The following MTMR9 variants were observed in gnomAD, a reference collection of about 807,000 sequenced individuals.
MTMR9 encodes myotubularin-related protein 9.
In MTMR9, 39 loss-of-function variants were observed where a neutral mutation model predicts 69.5. The observed-to-expected ratio is 0.56, with a 90% CI of 0.43 to 0.73. The LOEUF (loss-of-function observed/expected upper bound fraction) is 0.73, where lower values mean the gene tolerates loss of function less well. Ranked by LOEUF, MTMR9 falls within the 30% of genes least tolerant of loss-of-function variation. The probability of loss-of-function intolerance (pLI) is 0.00; values close to 1 mark genes in which losing one functional copy is unlikely to be tolerated. For synonymous variants in MTMR9, 354 were observed against 240.8 expected (o/e 1.47, Z -4.35); for missense variants, 900 against 671.2 (o/e 1.34, Z -3.77).
At chr8:11,302,094 A>G (rs949886193) in intron 3 of MTMR9, among the ~76,000 whole-genome samples, 8 of 151,918 alleles carry the variant, frequency 5.3e-5, no homozygotes, top group African/African-American at 1.7e-4. Context: ...CCCCATCTCT[A>G]TGAAAAAATT....
chr8:11,320,978 G>A (rs574186596), intron 9 of MTMR9: 1 of 158,918 alleles, frequency 6.3e-6, no homozygotes, highest in East Asian at 1.8e-4. Flanking sequence ...TACTCTCAAA[G>A]GCAGTTCACG....
intron 3 of MTMR9, among the ~76,000 whole-genome samples, chr8:11,302,881 T>C (rs930425989): frequency 9.9e-5 from 15 of 152,028 alleles, no homozygotes; most frequent in African/African-American, 3.6e-4. Context: ...CAACAAAGAT[T>C]ATTGGGTTTC....
chr8:11,296,419 A>G (rs190827250), intron 2 of MTMR9, among the ~76,000 whole-genome samples: 1 of 152,178 alleles, frequency 6.6e-6, no homozygotes, highest in African/African-American at 2.4e-5. Context: ...GAAAACACTT[A>G]ACCGTTTTTA....
At position 11,289,185 on chromosome 8, in the gene MTMR9, C is replaced by G. The variant is rs188408673; in HGVS notation, c.182+4115C>G. Among the ~76,000 whole-genome samples, 454 of 152,158 alleles carry G rather than the reference C, an allele frequency of 3.0e-3. 1 individual carries two copies. Among genetic ancestry groups the G allele is most frequent in the African/African-American group, 0.011 (447 of 41,520 alleles). On this transcript the variant is annotated intron_variant, in intron 1 of 9. Coordinates refer to ENST00000221086, the MANE Select transcript of MTMR9 (RefSeq NM_015458.4). ...GAGTCTCTGTCTCAAAACAAACAAA[C>G]AAACAAACAAAAAACAGTAGTGTAG...
intron 6 of MTMR9, among the ~76,000 whole-genome samples, chr8:11,314,619 G>T (rs1800336728): frequency 6.6e-6 from 1 of 152,094 alleles, no homozygotes; most frequent in African/African-American, 2.4e-5. Context: ...TTTTGAAAAG[G>T]GAAAGAAAAA....
chr8:11,327,461 G>C lies in MTMR9; in HGVS notation c.*4673G>C, dbSNP rs1800987593. ...ACACTGCCTGTGTTTGTCTGGCCAA[G>C]ACATTTGCTTCACTTTTAAAATGCA... On this transcript the variant is annotated 3_prime_UTR_variant, in exon 10 of 10. Transcript: ENST00000221086. The C allele has an allele frequency of 6.6e-6, 1 of 152,278 alleles. No individual in the cohort carries two copies. The highest frequency in any genetic ancestry group is 1.5e-5 in the Non-Finnish European group (1 of 68,038). The allele number at this position is 152,278 out of a possible 1,614,324, so 9.4% of individuals were successfully genotyped here. A position where few individuals can be genotyped will look rare whatever the true frequency, so the allele number is the denominator to read the frequency against.
chr8:11,338,302 G>T, the MTMR9 span, among the ~76,000 whole-genome samples: 1 of 152,210 alleles, frequency 6.6e-6, no homozygotes, highest in African/African-American at 2.4e-5. Context: ...GTTGTTCTCC[G>T]GAGTGTCCAG....
chr8:11,322,625 G>T lies in MTMR9; in HGVS notation c.1487G>T (p.Gly496Val). ...VAPQSLPLWE[G>V]IFLRWNRSSK... ...TGTTTTCCATTCCTGGATTCAATAG[G>T]TATTTTCCTACGTTGGAATAGATCC... The change falls in exon 10 of 10, where the codon GGT (glycine) becomes GTT (valine). Residue 496 changes from glycine (G) to valine (V), a missense_variant and splice_region_variant. Coordinates refer to ENST00000221086, the MANE Select transcript of MTMR9 (RefSeq NM_015458.4). The T allele has an allele frequency of 6.2e-7, 1 of 1,612,414 alleles. No individual in the cohort carries two copies. The highest frequency in any genetic ancestry group is 8.5e-7 in the Non-Finnish European group (1 of 1,179,214).
the MTMR9 span, among the ~76,000 whole-genome samples, chr8:11,335,586 A>C: frequency 6.6e-6 from 1 of 152,226 alleles, no homozygotes; most frequent in African/African-American, 2.4e-5. Context: ...CAAAACCCAT[A>C]ATAGCCAACA....
chr8:11,286,417 C>T (rs1157847890), intron 1 of MTMR9, among the ~76,000 whole-genome samples: 1 of 151,678 alleles, frequency 6.6e-6, no homozygotes, highest in Non-Finnish European at 1.5e-5. Flanking sequence ...GTAATCCCAG[C>T]ACTTTGGGAG....
At position 11,322,936 on chromosome 8, in the gene MTMR9, G is replaced by A; in HGVS notation, c.*148G>A. The A allele has an allele frequency of 3.6e-6, 2 of 552,178 alleles. No homozygotes were observed. Among genetic ancestry groups the A allele is most frequent in the East Asian group, 3.3e-5 (1 of 30,590 alleles). 34.2% of individuals were successfully genotyped at this position (552,178 alleles called of 1,614,324 possible). On this transcript the variant is annotated 3_prime_UTR_variant, in exon 10 of 10. Transcript: ENST00000221086. ...CTAATGTAATGGATTTCTCAATACT[G>A]TATGAATAATGAAACTTACTATCAT... is the stretch of plus-strand genomic sequence containing the variant.
rs58549989 is a variant in MTMR9, at chr8:11,295,449, G to T, written c.291+147G>T. 279 of 588,992 alleles carry T rather than the reference G, an allele frequency of 4.7e-4. 2 individuals are homozygous for T. In the African/African-American group the frequency reaches 4.9e-3, roughly 10 times the overall value. 36.5% of individuals were successfully genotyped at this position (588,992 alleles called of 1,614,324 possible). ...AGGAAAAGCCTCACCCTGGTTCATC[G>T]TCATATGAGTGTAATGGAACTTTCT... On this transcript the variant is annotated intron_variant, in intron 2 of 9. Transcript: ENST00000221086.
At chr8:11,322,492 A>AG (rs1270190995) in intron 9 of MTMR9, 133 bp from the exon 10 acceptor site, 4 of 671,134 alleles carry the variant, frequency 6.0e-6, no homozygotes, top group African/African-American at 3.7e-5. Flanking sequence ...AGTATAATAA[A>AG]ATACAGATGT....
intron 7 of MTMR9, 90 bp downstream of exon 7, chr8:11,315,154 G>C: frequency 6.8e-7 from 1 of 1,480,628 alleles, no homozygotes; most frequent in South Asian, 1.2e-5. Context: ...GTGAAATTTC[G>C]ATTGATTAAA....
At chr8:11,296,378 T>C (rs1799564226) in intron 2 of MTMR9, among the ~76,000 whole-genome samples, 1 of 152,216 alleles carries the variant, frequency 6.6e-6, no homozygotes, top group South Asian at 2.1e-4. Context: ...TATAATTTTA[T>C]GGTGATGCTT....
chr8:11,306,225 A>C lies in MTMR9; in HGVS notation c.627A>C (p.Thr209=), dbSNP rs140301633. The stretch of plus-strand genomic sequence containing the variant: ...GAAGTGGTCAGCCACTCACTGGTAC[A>C]AACGGGAGGAGGTGCAAGGAGGACG... ...IMRSGQPLTG[T]NGRRCKEDEK... Residue 209 remains threonine, a synonymous_variant, in exon 5 of 10, where the codon ACA becomes ACC. Coordinates refer to ENST00000221086, the MANE Select transcript of MTMR9 (RefSeq NM_015458.4). The C allele has an allele frequency of 6.2e-7, 1 of 1,613,392 alleles. No individual in the cohort carries two copies. The highest frequency in any genetic ancestry group is 8.5e-7 in the Non-Finnish European group (1 of 1,179,946).
At chr8:11,321,980 G>T (rs1177973320) in intron 9 of MTMR9, among the ~76,000 whole-genome samples, 3 of 152,186 alleles carry the variant, frequency 2.0e-5, no homozygotes, top group African/African-American at 7.2e-5. Flanking sequence ...TTATTGTGGT[G>T]TGATACAGTT....
downstream of MTMR9, chr8:11,331,160 G>C (rs369468696): frequency 7.4e-6 from 12 of 1,612,164 alleles, no homozygotes; most frequent in Middle Eastern, 8.3e-4. Flanking sequence ...ACCCATCGCC[G>C]CCCTCCGCTC....
intron 3 of MTMR9, among the ~76,000 whole-genome samples, chr8:11,302,015 A>C (rs1799762907): frequency 6.6e-6 from 1 of 152,158 alleles, no homozygotes; most frequent in Non-Finnish European, 1.5e-5. Context: ...CTAGCACTTA[A>C]GGAGGCTGAG....
Sources: allele counts gnomAD v4.1 joint callset (sites outside exome capture counted in the v4.1 genomes callset), GRCh38; gene constraint gnomAD v4.1.1; transcripts MANE v1.5; gene names NCBI Gene and HGNC (gene_info 2026-07-23, HGNC 2026-07-21).